ZNF717: variants seen among roughly 807,000 people sequenced by gnomAD.
ZNF717 encodes the protein zinc finger protein 717, also known as krueppel-like factor X17.
Under a neutral mutation model 13.8 loss-of-function variants are expected in ZNF717, and 9 were observed. That is an observed-to-expected ratio of 0.65 (90% CI 0.39 to 1.14). The LOEUF (loss-of-function observed/expected upper bound fraction) is 1.14, where lower values mean the gene tolerates loss of function less well. Among genes scored for constraint, ZNF717 ranks in the 50% most tolerant of loss-of-function variants. ZNF717 has a pLI of 0.01. For missense variants in ZNF717, 1,040 were observed against 1,080.7 expected (o/e 0.96, Z 0.53); for synonymous variants, 327 against 364.1 (o/e 0.90, Z 1.16).
At chr3:75,702,745 T>G in intron 6 of ZNF717, among the ~76,000 whole-genome samples, 1 of 152,308 alleles carries the variant, frequency 6.6e-6, no homozygotes, top group Non-Finnish European at 1.5e-5. Flanking sequence ...ATACACCAAC[T>G]ATGTACCCAC....
At chr3:75,783,794 T>C (rs1944981336) in intron 1 of ZNF717, among the ~76,000 whole-genome samples, 1 of 152,226 alleles carries the variant, frequency 6.6e-6, no homozygotes, top group African/African-American at 2.4e-5. Context: ...TGACAGTACA[T>C]CTTGCTTTTC....
rs74357986 is a variant in ZNF717 at position 75,738,917 on chromosome 3, A to G, written c.706T>C (p.Phe236Leu). The G allele has an allele frequency of 5.8e-6, 9 of 1,551,508 alleles. No individual in the cohort carries two copies. Among genetic ancestry groups the G allele is most frequent in the Non-Finnish European group, 7.8e-6 (9 of 1,146,948 alleles). The change falls in exon 5 of 5, where the codon TTT becomes CTT. Residue 236 changes from phenylalanine to leucine, a missense_variant. Physicochemically the swap from Phe to Leu is conservative, Grantham distance 22 (BLOSUM62 0). This residue lies in a region of ZNF717 where 873 missense variants were observed against 832.8 expected (regional missense o/e 1.05). Coordinates refer to ENST00000652011, the MANE Select transcript of ZNF717 (RefSeq NM_001290208.3). ...IHKRVHIVQT[F>L]GKYNEYEKAC... ...TTCTCATATTCATTATATTTACCAAAGGTCTGTACTATATGAACCCTCTTA... is the reference window on the plus strand; with the variant it reads ...TTCTCATATTCATTATATTTACCAAGGGTCTGTACTATATGAACCCTCTTA...
At chr3:75,721,628 T>C (rs2918481) in intron 4 of ZNF717, among the ~76,000 whole-genome samples, 127,086 of 152,172 alleles carry the variant, frequency 0.84, 53,067 homozygotes, top group East Asian at 0.89. Flanking sequence ...AAGCAATTCA[T>C]GGTGCTAAGT....
downstream of ZNF717, among the ~76,000 whole-genome samples, chr3:75,708,444 A>G (rs1937851478): frequency 6.6e-6 from 1 of 152,144 alleles, no homozygotes. Flanking sequence ...CAGAAAGGAC[A>G]TCTACACCAA....
chr3:75,751,820 C>A (rs1575838439), intron 2 of ZNF717, among the ~76,000 whole-genome samples: 1 of 151,688 alleles, frequency 6.6e-6, no homozygotes, highest in South Asian at 2.1e-4. Flanking sequence ...TTTGAGAACA[C>A]TGCTGCTGGA....
intron 2 of ZNF717, among the ~76,000 whole-genome samples, 175 bp downstream of exon 2, chr3:75,783,131 G>C (rs1025304670): frequency 6.6e-6 from 1 of 152,192 alleles, no homozygotes; most frequent in Non-Finnish European, 1.5e-5. Flanking sequence ...ACTCAACTTA[G>C]ACAACTCTAA....
chr3:75,699,888 C>G (rs1937650709), intron 6 of ZNF717, among the ~76,000 whole-genome samples: 2 of 152,310 alleles, frequency 1.3e-5, no homozygotes, highest in South Asian at 2.1e-4. Flanking sequence ...AAATGTAATA[C>G]TATTTGCAGT....
chr3:75,754,277 T>G (rs78950080), intron 2 of ZNF717, among the ~76,000 whole-genome samples: 15,485 of 120,830 alleles, frequency 0.13, no homozygotes, highest in Non-Finnish European at 0.16. Context: ...TGAAGCTATA[T>G]TAACAGCAGT....
intron 2 of ZNF717, among the ~76,000 whole-genome samples, chr3:75,764,930 C>T (rs1407485365): frequency 3.3e-5 from 5 of 150,446 alleles, no homozygotes; most frequent in Non-Finnish European, 5.9e-5. Context: ...AGCAGCATTA[C>T]ACAGCCACAA....
chr3:75,778,868 G>C (rs1944566223), intron 2 of ZNF717, among the ~76,000 whole-genome samples: 2 of 151,538 alleles, frequency 1.3e-5, no homozygotes, highest in Admixed American at 6.6e-5. Flanking sequence ...AACAATGGGA[G>C]TGATGCGCAA....
chr3:75,760,876 C>A, intron 2 of ZNF717, among the ~76,000 whole-genome samples: 2 of 149,364 alleles, frequency 1.3e-5, no homozygotes, highest in Non-Finnish European at 3.0e-5. Context: ...TTTTAAAGAT[C>A]AATAAAAATT....
At chr3:75,701,676 C>A in intron 6 of ZNF717, among the ~76,000 whole-genome samples, 1 of 152,422 alleles carries the variant, frequency 6.6e-6, no homozygotes, top group South Asian at 2.1e-4. Flanking sequence ...GGCAACAGAT[C>A]AAGACTTCAT....
chr3:75,727,530 G>A (rs1466169802), downstream of ZNF717, among the ~76,000 whole-genome samples: 4 of 152,064 alleles, frequency 2.6e-5, no homozygotes, highest in South Asian at 2.1e-4. Context: ...GTCTATAGAT[G>A]GCCGCTCTGG....
At chr3:75,725,568 G>A (rs1309901130), downstream of ZNF717, among the ~76,000 whole-genome samples, 1 of 152,198 alleles carries the variant, frequency 6.6e-6, no homozygotes, top group East Asian at 1.9e-4. Context: ...CTGCTAATAT[G>A]GACATGCCCA....
intron 4 of ZNF717, among the ~76,000 whole-genome samples, chr3:75,719,009 T>G (rs1938118277): frequency 6.6e-6 from 1 of 152,158 alleles, no homozygotes; most frequent in Non-Finnish European, 1.5e-5. Context: ...AAAAGAATAT[T>G]AAGGCCAGGC....
chr3:75,784,163 C>G (rs1416894887), intron 1 of ZNF717, among the ~76,000 whole-genome samples: 2 of 152,222 alleles, frequency 1.3e-5, no homozygotes, highest in African/African-American at 4.8e-5. Flanking sequence ...CTTAAACCAA[C>G]CAGGCTCAGT....
At chr3:75,715,021 T>C (rs893652646) in intron 5 of ZNF717, among the ~76,000 whole-genome samples, 83 of 152,296 alleles carry the variant, frequency 5.4e-4, no homozygotes, top group African/African-American at 2.0e-3. Flanking sequence ...AATCCACCAG[T>C]TTATAAAAGA....
intron 2 of ZNF717, among the ~76,000 whole-genome samples, chr3:75,757,678 T>A (rs951091534): frequency 6.6e-5 from 10 of 152,168 alleles, no homozygotes; most frequent in Non-Finnish European, 1.2e-4. Context: ...AAAAATATAT[T>A]TCATAAAGCT....
rs1017432836 is a variant in ZNF717 at position 75,714,077 on chromosome 3, G to A, written n.667+2342C>T. On this transcript the variant is annotated intron_variant and non_coding_transcript_variant, in intron 5 of 5. Coordinates refer to the ZNF717 transcript ENST00000491507. ...AACTAAAAGGTGAGCCAGGCATACAGGATGGAACATGAAAGCGGACTAGGA... is the reference window on the plus strand; with the variant it reads ...AACTAAAAGGTGAGCCAGGCATACAAGATGGAACATGAAAGCGGACTAGGA... 5.3e-3 allele frequency among the ~76,000 whole-genome samples: 801 copies of A among 152,192 alleles called. 7 individuals are homozygous for A. Among genetic ancestry groups the A allele is most frequent in the African/African-American group, 0.019 (783 of 41,478 alleles).
Sources: allele counts gnomAD v4.1 joint callset (sites outside exome capture counted in the v4.1 genomes callset), GRCh38; gene constraint gnomAD v4.1.1; regional missense constraint gnomAD v4.1.1; transcripts MANE v1.5; gene names NCBI Gene and HGNC (gene_info 2026-07-23, HGNC 2026-07-21).